The following NCAM2 variants were observed in gnomAD, a reference collection of about 807,000 sequenced individuals.
NCAM2 encodes the protein neural cell adhesion molecule 2, also known as N-CAM-2.
In NCAM2, 30 loss-of-function variants were observed where a neutral mutation model predicts 98.1. That is an observed-to-expected ratio of 0.31 (90% CI 0.23 to 0.41). The LOEUF is 0.41. NCAM2 is among the 10% of genes least tolerant of loss of function. The pLI is 1.00. For synonymous variants in NCAM2, 368 were observed against 342.4 expected (o/e 1.07, Z -0.83); for missense variants, 867 against 1,005.8 (o/e 0.86, Z 1.87).
At chr21:21,361,968 GT>G (rs1230780831) in intron 8 of NCAM2, among the ~76,000 whole-genome samples, 1 of 152,100 alleles carries the variant, frequency 6.6e-6, no homozygotes, top group African/African-American at 2.4e-5. Flanking sequence ...ACATTGTGGG[GT>G]ATTGAAGCAC....
At chr21:21,177,396 A>G (rs1015007858) in intron 1 of NCAM2, among the ~76,000 whole-genome samples, 21 of 151,830 alleles carry the variant, frequency 1.4e-4, no homozygotes, top group Admixed American at 3.3e-4. Flanking sequence ...GCAGATGTCT[A>G]GAAACATACT....
intron 12 of NCAM2, among the ~76,000 whole-genome samples, chr21:21,454,487 C>G (rs543044297): frequency 1.3e-5 from 2 of 151,966 alleles, no homozygotes; most frequent in Non-Finnish European, 2.9e-5. Flanking sequence ...CTCATAAATA[C>G]GAACCTGTGT....
intron 12 of NCAM2, chr21:21,463,867 T>C (rs1330375965): frequency 6.8e-6 from 1 of 146,946 alleles, no homozygotes; most frequent in Non-Finnish European, 1.5e-5. Context: ...TTTTTTTTGC[T>C]GGGGTATGTG....
In NCAM2 at chr21:21,542,169, C is replaced by T. The variant is rs370066552; in HGVS notation, c.*4212C>T. The T allele has an allele frequency of 1.3e-5, 2 of 151,622 alleles. No individual in the cohort carries two copies. Among genetic ancestry groups the T allele is most frequent in the Non-Finnish European group, 3.0e-5 (2 of 67,790 alleles). 9.4% of individuals were successfully genotyped at this position (151,622 alleles called of 1,614,324 possible). On this transcript the variant is annotated 3_prime_UTR_variant, in exon 18 of 18. Coordinates refer to ENST00000400546, the MANE Select transcript of NCAM2 (RefSeq NM_004540.5). Reference sequence around the variant, plus strand: ...CCAAATGAGAAATTTATAAAAAGACCCACATATAGTAGTTGCTGAACAAAC... The same window carrying T: ...CCAAATGAGAAATTTATAAAAAGACTCACATATAGTAGTTGCTGAACAAAC...
intron 16 of NCAM2, among the ~76,000 whole-genome samples, chr21:21,529,884 C>A (rs1569141335): frequency 6.6e-6 from 1 of 150,890 alleles, no homozygotes; most frequent in Non-Finnish European, 1.5e-5. Flanking sequence ...TTATGATAGA[C>A]TGGATGACAT....
intron 1 of NCAM2, among the ~76,000 whole-genome samples, chr21:21,064,344 C>T (rs898326061): frequency 1.3e-5 from 2 of 152,184 alleles, no homozygotes; most frequent in African/African-American, 4.8e-5. Context: ...ATAAAAAGGG[C>T]TGGCCTAGAA....
intron 9 of NCAM2, among the ~76,000 whole-genome samples, chr21:21,386,211 G>T (rs1386024351): frequency 6.6e-6 from 1 of 152,012 alleles, no homozygotes; most frequent in African/African-American, 2.4e-5. Context: ...TAGCATGATT[G>T]GTTAGATGTA....
At chr21:21,348,418 C>T (rs1275306953) in intron 8 of NCAM2, among the ~76,000 whole-genome samples, 2 of 151,868 alleles carry the variant, frequency 1.3e-5, no homozygotes, top group Non-Finnish European at 2.9e-5. Context: ...ATAATGAAAA[C>T]TTTGTAAACA....
At chr21:21,535,214 G>C (rs897693985) in intron 17 of NCAM2, among the ~76,000 whole-genome samples, 2 of 151,944 alleles carry the variant, frequency 1.3e-5, no homozygotes, top group African/African-American at 2.4e-5. Context: ...AACTATAGTA[G>C]ATATCAAAAG....
chr21:21,283,304 A>C (rs2072991354), intron 2 of NCAM2, among the ~76,000 whole-genome samples: 2 of 151,984 alleles, frequency 1.3e-5, no homozygotes, highest in Admixed American at 1.3e-4. Context: ...GACTTCATGC[A>C]TTTCCACATC....
At chr21:21,452,978 ATATTATATATTATAT>A (rs1432991104) in intron 12 of NCAM2, among the ~76,000 whole-genome samples, 18 of 90,686 alleles carry the variant, frequency 2.0e-4, no homozygotes, top group South Asian at 1.5e-3. Context: ...ATATTATTAT[ATATTATATATTATAT>A]TATATAATAT....
At chr21:21,473,957 A>T (rs1569100648) in intron 14 of NCAM2, among the ~76,000 whole-genome samples, 1 of 150,830 alleles carries the variant, frequency 6.6e-6, no homozygotes, top group East Asian at 1.9e-4. Context: ...GCAAATGACC[A>T]TTTTTTTTCA....
chr21:21,347,257 A>G (rs1281696317), intron 8 of NCAM2, among the ~76,000 whole-genome samples: 2 of 151,968 alleles, frequency 1.3e-5, no homozygotes, highest in Non-Finnish European at 2.9e-5. Flanking sequence ...ATTCCTATAT[A>G]CATACAACCT....
chr21:21,442,031 T>C (rs1034324326), intron 12 of NCAM2, among the ~76,000 whole-genome samples: 6 of 152,186 alleles, frequency 3.9e-5, no homozygotes, highest in African/African-American at 1.4e-4. Flanking sequence ...TGACCCGATA[T>C]TTACATACAC....
At chr21:21,518,166 T>C (rs1988817069) in intron 16 of NCAM2, among the ~76,000 whole-genome samples, 1 of 152,192 alleles carries the variant, frequency 6.6e-6, no homozygotes, top group Non-Finnish European at 1.5e-5. Context: ...GAATCGATTC[T>C]TCCTAGCTAC....
At chr21:21,009,919 T>TGTGTG (rs1568923318) in intron 1 of NCAM2, among the ~76,000 whole-genome samples, 14 of 46,814 alleles carry the variant, frequency 3.0e-4, no homozygotes, top group Middle Eastern at 0.012. Context: ...GTGTGTGTGT[T>TGTGTG]TTAATGATTT....
At chr21:21,398,435 A>G (rs551718409) in intron 9 of NCAM2, among the ~76,000 whole-genome samples, 3 of 152,302 alleles carry the variant, frequency 2.0e-5, no homozygotes, top group African/African-American at 7.2e-5. Flanking sequence ...AATTAAAAAG[A>G]AGAAAAAAGG....
Position 21,534,657 on chromosome 21 carries a change from G to A in NCAM2, c.2402+1G>A. The A allele has an allele frequency of 1.2e-6, 2 of 1,606,590 alleles. No individual in the cohort carries two copies. The stretch of plus-strand genomic sequence containing the variant: ...AAACCACACCACTGACAGAACCTGA[G>A]TATGTGGCTTGGAGTGCTCACTTAT... On this transcript the variant is annotated splice_donor_variant, in intron 17 of 17. Coordinates refer to ENST00000400546, the MANE Select transcript of NCAM2 (RefSeq NM_004540.5). LOFTEE classifies it high-confidence loss of function.
intron 1 of NCAM2, among the ~76,000 whole-genome samples, chr21:21,015,870 AT>A (rs759444885): frequency 6.0e-5 from 9 of 148,900 alleles, no homozygotes; most frequent in African/African-American, 1.2e-4. Flanking sequence ...TGCCTGGCTA[AT>A]TTTTTTTTTG....
Sources: allele counts gnomAD v4.1 joint callset (sites outside exome capture counted in the v4.1 genomes callset), GRCh38; gene constraint gnomAD v4.1.1; transcripts MANE v1.5; gene names NCBI Gene and HGNC (gene_info 2026-07-23, HGNC 2026-07-21).